RASGRF1: variants seen among roughly 807,000 people sequenced by gnomAD.
RASGRF1 encodes the protein Ras protein specific guanine nucleotide releasing factor 1, also known as ras-specific guanine nucleotide-releasing factor 1.
Under a neutral mutation model 138.7 loss-of-function variants are expected in RASGRF1, and 40 were observed. The observed-to-expected ratio is 0.29, with a 90% CI of 0.22 to 0.38. The LOEUF (loss-of-function observed/expected upper bound fraction) is 0.38. RASGRF1 is among the 10% of genes least tolerant of loss of function. The probability of loss-of-function intolerance (pLI) is 1.00; values close to 1 mark genes in which losing one functional copy is unlikely to be tolerated. For synonymous variants in RASGRF1, 614 were observed against 663.2 expected (o/e 0.93, Z 1.14); for missense variants, 1,108 against 1,650.4 (o/e 0.67, Z 5.69).
intron 10 of RASGRF1, among the ~76,000 whole-genome samples, chr15:79,023,885 C>CCT (rs1415789501): frequency 6.6e-6 from 1 of 151,964 alleles, no homozygotes; most frequent in African/African-American, 2.4e-5. Flanking sequence ...CAGTGGAGGC[C>CCT]CTCTACCCTG....
intron 1 of RASGRF1, among the ~76,000 whole-genome samples, chr15:79,085,028 C>A (rs1029656718): frequency 7.2e-5 from 11 of 152,160 alleles, no homozygotes; most frequent in African/African-American, 2.7e-4. Flanking sequence ...CCTGATTAGT[C>A]TCCTGCCTCT....
rs2057081263 is a variant in RASGRF1, at chr15:79,027,813, G to A, written c.1309C>T (p.Leu437=). 1.2e-6 allele frequency: 2 copies of A among 1,614,120 alleles called. No homozygotes were observed. Among genetic ancestry groups the A allele is most frequent in the Non-Finnish European group, 1.7e-6 (2 of 1,180,064 alleles). ...VSETENIRKN[L]AIERMIIEGC... The stretch of plus-strand genomic sequence containing the variant: ...TCGATGATCATGCGCTCGATGGCCA[G>A]GTTTTTCCGGATGTTCTCCGTCTCA... Residue 437 remains leucine, a synonymous_variant, in exon 9 of 27, where the codon CTG becomes TTG. Coordinates refer to ENST00000558480, the MANE Select transcript of RASGRF1 (RefSeq NM_001145648.3). The surrounding 1 kb of genome is among the most constrained non-coding windows in gnomAD (Gnocchi z 4.8).
chr15:78,976,559 A>AACACACACACAC (rs58602180), intron 24 of RASGRF1, among the ~76,000 whole-genome samples: 23,948 of 148,542 alleles, frequency 0.16, 2,183 homozygotes, highest in Non-Finnish European at 0.21. Flanking sequence ...CACTCAATCA[A>AACACACACACAC]ACACACACAC....
Position 78,971,886 on chromosome 15 carries a change from T to C in RASGRF1, c.3661A>G (p.Lys1221Glu), listed in dbSNP as rs1251534143. 1 of 1,587,366 alleles carries C rather than the reference T, an allele frequency of 6.3e-7. No individual in the cohort carries two copies. Among genetic ancestry groups the C allele is most frequent in the Non-Finnish European group, 8.7e-7 (1 of 1,155,634 alleles). Residue 1221 changes from lysine to glutamate, a missense_variant, in exon 26 of 27, where the codon AAA becomes GAA. Around this residue, in one of 3 missense-constraint regions of RASGRF1, gnomAD observed 686 missense variants for 976.7 expected, o/e 0.70. Transcript: ENST00000558480. ...EIRQFQQTAY[K>E]IEHQAKVTQY... ...CTTACCTTTGCTTGGTGCTCTATTT[T>C]GTAGGCAGTTTGTTGAAACTGGCGA...
intron 1 of RASGRF1, among the ~76,000 whole-genome samples, chr15:79,072,434 C>A (rs1339664910): frequency 7.2e-5 from 11 of 151,758 alleles, no homozygotes; most frequent in Admixed American, 7.2e-4. Context: ...TGCCACCACG[C>A]CCGGCTAATT....
At chr15:79,011,356 C>A (rs567556311) in intron 13 of RASGRF1, among the ~76,000 whole-genome samples, 1 of 152,290 alleles carries the variant, frequency 6.6e-6, no homozygotes, top group East Asian at 1.9e-4. Context: ...AAGATTTATA[C>A]TAGACACAGT....
At chr15:78,972,899 T>C (rs1750089967) in intron 25 of RASGRF1, among the ~76,000 whole-genome samples, 1 of 152,100 alleles carries the variant, frequency 6.6e-6, no homozygotes, top group Admixed American at 6.6e-5. Flanking sequence ...ATACGAACAA[T>C]ACGGATGGGT....
chr15:78,962,542 T>A (rs975857435), intron 26 of RASGRF1, among the ~76,000 whole-genome samples: 2 of 152,216 alleles, frequency 1.3e-5, no homozygotes, highest in Non-Finnish European at 2.9e-5. Context: ...TGTTTCTGTA[T>A]GTTTGATCTG....
rs141446077 is a variant in RASGRF1, at chr15:79,004,667, C to T, written c.2076-492G>A. The T allele has an allele frequency of 5.9e-4, 585 of 986,716 alleles. 3 individuals carry two copies. In the African/African-American group the frequency reaches 9.6e-3, roughly 16 times the overall value. The allele number at this position is 986,716 out of a possible 1,614,324, so 61.1% of individuals were successfully genotyped here. A position where few individuals can be genotyped will look rare whatever the true frequency, so the allele number is the denominator to read the frequency against. ...CTTTCCACCTGCTTTGGGGCTTGAG[C>T]GGCCCTATATGCAAACTTAGGGGGA... On this transcript the variant is annotated intron_variant, in intron 14 of 26. Transcript: ENST00000558480.
At chr15:79,064,015 T>A (rs2057643086) in intron 2 of RASGRF1, among the ~76,000 whole-genome samples, 2 of 152,138 alleles carry the variant, frequency 1.3e-5, no homozygotes, top group South Asian at 4.2e-4. Context: ...TGTCAGCCTC[T>A]GGATGAGAAA....
At chr15:78,996,592 G>A (rs1486382451) in intron 19 of RASGRF1, among the ~76,000 whole-genome samples, 1 of 152,194 alleles carries the variant, frequency 6.6e-6, no homozygotes, top group Non-Finnish European at 1.5e-5. Flanking sequence ...AACCAGGGCT[G>A]CCAACTCCAG....
chr15:79,002,953 T>C (rs150440830), intron 15 of RASGRF1, among the ~76,000 whole-genome samples: 147 of 152,368 alleles, frequency 9.6e-4, no homozygotes, highest in African/African-American at 3.2e-3. Context: ...TGTGTGCACG[T>C]GCTCTCATGT....
rs985341753 is a variant in RASGRF1 at position 78,998,341 on chromosome 15, C to T, written c.2854-133G>A. 8 of 754,364 alleles carry T rather than the reference C, an allele frequency of 1.1e-5. No individual in the cohort carries two copies. The Admixed American group carries it at 1.3e-4, about 12-fold the overall frequency. The allele number at this position is 754,364 out of a possible 1,614,324, so 46.7% of individuals were successfully genotyped here. The stretch of plus-strand genomic sequence containing the variant: ...CAGGCTGACCTGCCTCATTTCCTTT[C>T]TGTTGGCTTCCTGGCAGGGCATGAG... On this transcript the variant is annotated intron_variant, in intron 18 of 26. Transcript: ENST00000558480.
At chr15:79,030,578 A>C (rs905839294) in intron 8 of RASGRF1, among the ~76,000 whole-genome samples, 3 of 152,036 alleles carry the variant, frequency 2.0e-5, no homozygotes, top group Non-Finnish European at 2.9e-5. Flanking sequence ...TAAGTTCAAC[A>C]TGCTCCCAAG....
chr15:79,050,714 T>C lies in RASGRF1; in HGVS notation c.532-1126A>G, dbSNP rs2057418857. ...GCCTAGGAGAAGGTACACCTTAAGC[T>C]GCACTGTGGCCAGGGGCCTCTGGGA... is the stretch of plus-strand genomic sequence containing the variant. On this transcript the variant is annotated intron_variant, in intron 3 of 26. Coordinates refer to ENST00000558480, the MANE Select transcript of RASGRF1 (RefSeq NM_001145648.3). The surrounding 1 kb of genome is among the most constrained non-coding windows in gnomAD (Gnocchi z 4.1). 6.6e-6 allele frequency among the ~76,000 whole-genome samples: 1 copy of C among 152,194 alleles called. No individual in the cohort carries two copies. The highest frequency in any genetic ancestry group is 2.4e-5 in the African/African-American group (1 of 41,456).
intron 1 of RASGRF1, 55 bp downstream of exon 1, chr15:79,090,168 G>T: frequency 1.3e-6 from 2 of 1,513,326 alleles, no homozygotes; most frequent in Non-Finnish European, 1.8e-6. Flanking sequence ...AAGGCCCTGA[G>T]CCCCCAGGGC....
chr15:79,007,373 C>T (rs186636103), intron 13 of RASGRF1, among the ~76,000 whole-genome samples: 41 of 152,270 alleles, frequency 2.7e-4, no homozygotes, highest in Non-Finnish European at 8.8e-5. Context: ...TATTAGGACT[C>T]TTGGGCAACT....
intron 26 of RASGRF1, among the ~76,000 whole-genome samples, chr15:78,971,571 A>G (rs545656593): frequency 4.7e-4 from 72 of 152,358 alleles, no homozygotes; most frequent in South Asian, 3.9e-3. Context: ...TTGTAAGCAT[A>G]GTACCTTTCA....
intron 3 of RASGRF1, among the ~76,000 whole-genome samples, chr15:79,054,725 G>A (rs2057487313): frequency 6.6e-6 from 1 of 152,216 alleles, no homozygotes; most frequent in Non-Finnish European, 1.5e-5. Flanking sequence ...AACCTCTGTT[G>A]TTTTAAGACA....
Sources: gnomAD v4.1 joint callset for allele counts (sites outside exome capture counted in the v4.1 genomes callset) on GRCh38, gnomAD v4.1.1 for gene constraint, gnomAD v4.1.1 regional missense constraint, Gnocchi (gnomAD v3.1) non-coding constraint, MANE v1.5 for transcripts, NCBI Gene and HGNC (gene_info 2026-07-23, HGNC 2026-07-21) for gene names.